PLA2G6: variants seen among roughly 807,000 people sequenced by gnomAD.
The protein encoded by PLA2G6 is 85/88 kDa calcium-independent phospholipase A2.
Under a neutral mutation model 83.8 loss-of-function variants are expected in PLA2G6, and 62 were observed. That is an observed-to-expected ratio of 0.74 (90% CI 0.60 to 0.91). The LOEUF (loss-of-function observed/expected upper bound fraction) is 0.91, where lower values mean the gene tolerates loss of function less well. PLA2G6 is among the 40% of genes least tolerant of loss of function. The probability of loss-of-function intolerance (pLI) is 0.00; values close to 1 mark genes in which losing one functional copy is unlikely to be tolerated. For missense variants in PLA2G6, 944 were observed against 1,102.0 expected, an observed-to-expected ratio of 0.86 and a Z score of 2.03; for synonymous variants, 417 against 449.8, an observed-to-expected ratio of 0.93 and a Z score of 0.92.
At position 38,112,048 on chromosome 22, in the gene PLA2G6, A is replaced by G. The variant is rs1328254006; in HGVS notation, c.*113T>C. The G allele has an allele frequency of 5.5e-6, 7 of 1,271,032 alleles. No homozygotes were observed. Among genetic ancestry groups the G allele is most frequent in the South Asian group, 2.6e-5 (2 of 77,950 alleles). 78.7% of individuals were successfully genotyped at this position (1,271,032 alleles called of 1,614,324 possible). A position where few individuals can be genotyped will look rare whatever the true frequency, so the allele number is the denominator to read the frequency against. On this transcript the variant is annotated 3_prime_UTR_variant, in exon 17 of 17. Transcript: ENST00000332509. ...CTTGGCATTCTCCCAGGCCTGGTCT[A>G]TGGACTCAGAGGTGCCTGGGCCCAG...
rs899966807 is a variant in PLA2G6 at position 38,128,926 on chromosome 22, G to A, written c.1187-496C>T. On this transcript the variant is annotated intron_variant, in intron 8 of 16. Coordinates refer to ENST00000332509, the MANE Select transcript of PLA2G6 (RefSeq NM_003560.4). This position sits in a 1 kb window ranked among gnomAD's most constrained non-coding sequence, Gnocchi z 4.4. ...TGCTGCCATCAGGTACCTGCCCACA[G>A]TGACCCCCACAGCTGCTGAAACCCT... is the stretch of plus-strand genomic sequence containing the variant. Among the ~76,000 whole-genome samples, 19 of 152,238 alleles carry A rather than the reference G, an allele frequency of 1.2e-4. No individual in the cohort carries two copies. The highest frequency in any genetic ancestry group is 4.6e-4 in the African/African-American group (19 of 41,458).
At chr22:38,152,690 C>G (rs934486698) in intron 2 of PLA2G6, among the ~76,000 whole-genome samples, 1 of 152,126 alleles carries the variant, frequency 6.6e-6, no homozygotes, top group Admixed American at 6.5e-5. Flanking sequence ...TATAGCAACA[C>G]TAAACAGACA....
intron 2 of PLA2G6, among the ~76,000 whole-genome samples, chr22:38,167,199 G>A (rs1320102890): frequency 6.9e-6 from 1 of 144,786 alleles, no homozygotes; most frequent in Non-Finnish European, 1.5e-5. Flanking sequence ...CTGTACTCCA[G>A]CCTGGGTGAC....
intron 1 of PLA2G6, among the ~76,000 whole-genome samples, chr22:38,180,823 T>C (rs2090816442): frequency 6.6e-6 from 1 of 152,174 alleles, no homozygotes; most frequent in Non-Finnish European, 1.5e-5. Flanking sequence ...AACTGAGACT[T>C]GGACAGAAAA....
rs2087656459 is a variant in PLA2G6, at chr22:38,123,600, T to C, written c.1428-342A>G. Among the ~76,000 whole-genome samples, 1 of 151,804 alleles carries C rather than the reference T, an allele frequency of 6.6e-6. No homozygotes were observed. The highest frequency in any genetic ancestry group is 2.4e-5 in the African/African-American group (1 of 41,302). ...TCAGGCCTGATCCAAAGCAGGTGCC[T>C]GATAAAGTCTGTTGGAATTAAATAA... On this transcript the variant is annotated intron_variant, in intron 10 of 16. Transcript: ENST00000332509. This position sits in a 1 kb window ranked among gnomAD's most constrained non-coding sequence, Gnocchi z 4.1.
intron 5 of PLA2G6, chr22:38,139,423 A>G (rs1416520550): frequency 6.7e-6 from 1 of 148,408 alleles, no homozygotes. Flanking sequence ...ATTTTTATTT[A>G]TTTATTTATT....
At chr22:38,150,836 C>T (rs2089524521) in intron 2 of PLA2G6, among the ~76,000 whole-genome samples, 1 of 152,222 alleles carries the variant, frequency 6.6e-6, no homozygotes. Flanking sequence ...CCTATAATCC[C>T]AGCACTTTGG....
intron 1 of PLA2G6, among the ~76,000 whole-genome samples, chr22:38,177,652 C>T (rs146091262): frequency 0.071 from 10,737 of 151,818 alleles, 667 homozygotes; most frequent in African/African-American, 0.15. Context: ...TTAGTAGAAA[C>T]GGGGTTTCAC....
At chr22:38,115,999 T>C in intron 13 of PLA2G6, 76 bp downstream of exon 13, 7 of 1,559,920 alleles carry the variant, frequency 4.5e-6, no homozygotes, top group African/African-American at 2.7e-5. Flanking sequence ...TGATGGCAAG[T>C]GCACGACTCC....
chr22:38,159,384 A>G (rs1281404620), intron 2 of PLA2G6, among the ~76,000 whole-genome samples: 4 of 152,222 alleles, frequency 2.6e-5, no homozygotes, highest in Non-Finnish European at 1.5e-5. Context: ...TCCCACAAAT[A>G]AACTCCAGGG....
At chr22:38,173,006 C>T (rs2090495990) in intron 1 of PLA2G6, among the ~76,000 whole-genome samples, 1 of 152,208 alleles carries the variant, frequency 6.6e-6, no homozygotes, top group Non-Finnish European at 1.5e-5. Context: ...GGCACACAAA[C>T]AGTGGCCATT....
rs2145986976 is a variant in PLA2G6, at chr22:38,181,708, G to A, written c.-90C>T. 6.6e-6 allele frequency: 1 copy of A among 152,362 alleles called. No homozygotes were observed. The highest frequency in any genetic ancestry group is 1.5e-5 in the Non-Finnish European group (1 of 68,050). The allele number at this position is 152,362 out of a possible 1,614,324, so 9.4% of individuals were successfully genotyped here. ...GGAATATCCAAAGGAGGGTCCGGCG[G>A]AGACTTGGGAGTCCGGAGCGCCGAG... On this transcript the variant is annotated 5_prime_UTR_variant, in exon 1 of 17. Transcript: ENST00000332509.
Position 38,120,798 on chromosome 22 carries a change from A to G in PLA2G6, c.1703T>C (p.Phe568Ser), listed in dbSNP as rs2145710946. 6.2e-7 allele frequency: 1 copy of G among 1,613,826 alleles called. No homozygotes were observed. ...GPLEEFLKRE[F>S]GEHTKMTDVR... is the part of the protein sequence containing the mutation. The stretch of plus-strand genomic sequence containing the variant: ...GTCCGTCATCTTGGTGTGCTCCCCA[A>G]ACTCCCGCTTCAGGAACTCCTCCAG... Residue 568 changes from phenylalanine to serine, a missense_variant, in exon 12 of 17, where the codon TTT (phenylalanine) becomes TCT (serine). Phe to Ser is a radical substitution (Grantham distance 155). Transcript: ENST00000332509.
At chr22:38,126,713 C>T in intron 9 of PLA2G6, 1 of 507,512 alleles carries the variant, frequency 2.0e-6, no homozygotes, top group Non-Finnish European at 3.6e-6. Flanking sequence ...CCAGCCAGCT[C>T]CCAGGTTCCC....
At chr22:38,125,662 C>A (rs1159580135) in intron 10 of PLA2G6, 1 of 470,522 alleles carries the variant, frequency 2.1e-6, no homozygotes, top group African/African-American at 2.0e-5. Context: ...GAGCAAGTCA[C>A]TTCACCTCTC....
chr22:38,170,077 A>T (rs796589021), intron 1 of PLA2G6, among the ~76,000 whole-genome samples: 10 of 152,040 alleles, frequency 6.6e-5, no homozygotes, highest in African/African-American at 2.4e-4. Context: ...AGGCGCCTGT[A>T]GTCCCAGCTG....
chr22:38,115,189 C>T (rs1367024279), intron 14 of PLA2G6, among the ~76,000 whole-genome samples: 1 of 152,214 alleles, frequency 6.6e-6, no homozygotes, highest in East Asian at 1.9e-4. Flanking sequence ...ACAGGCATTC[C>T]TGTGGGACTG....
chr22:38,178,707 A>C (rs2090730899), intron 1 of PLA2G6, among the ~76,000 whole-genome samples: 1 of 152,158 alleles, frequency 6.6e-6, no homozygotes, highest in Non-Finnish European at 1.5e-5. Flanking sequence ...TCTACCAAAA[A>C]ATACAAAAAT....
chr22:38,119,409 C>G (rs1358205084), intron 12 of PLA2G6, among the ~76,000 whole-genome samples: 2 of 152,128 alleles, frequency 1.3e-5, no homozygotes, highest in Admixed American at 6.5e-5. Context: ...TGGATTTCAC[C>G]CTCATACAAA....
Sources: allele counts gnomAD v4.1 joint callset (sites outside exome capture counted in the v4.1 genomes callset), GRCh38; gene constraint gnomAD v4.1.1; non-coding constraint Gnocchi (gnomAD v3.1); transcripts MANE v1.5; gene names NCBI Gene and HGNC (gene_info 2026-07-23, HGNC 2026-07-21).